The following MTA1 variants were observed in gnomAD, a reference collection of about 807,000 sequenced individuals.
The protein encoded by MTA1 is metastasis associated 1, also known as metastasis-associated protein MTA1.
In MTA1, 15 loss-of-function variants were observed where a neutral mutation model predicts 97.0. That is an observed-to-expected ratio of 0.15 (90% CI 0.10 to 0.24). MTA1 has a LOEUF of 0.24. Among genes scored for constraint, MTA1 ranks in the 10% least tolerant of loss-of-function variants. The probability of loss-of-function intolerance (pLI) is 1.00; values close to 1 mark genes in which losing one functional copy is unlikely to be tolerated. For missense variants in MTA1, 709 were observed against 1,015.1 expected (o/e 0.70, Z 4.10); for synonymous variants, 435 against 417.5 (o/e 1.04, Z -0.51).
chr14:105,437,322 C>A (rs1177967346), intron 1 of MTA1, among the ~76,000 whole-genome samples: 1 of 141,774 alleles, frequency 7.1e-6, no homozygotes, highest in Non-Finnish European at 1.5e-5. Flanking sequence ...CCTGCAGGTG[C>A]GTCCTCATGG....
intron 4 of MTA1, among the ~76,000 whole-genome samples, 185 bp downstream of exon 4, chr14:105,449,594 G>A (rs587728490): frequency 2.6e-5 from 4 of 152,330 alleles, no homozygotes; most frequent in East Asian, 1.9e-4. Context: ...GTGCGGCCCC[G>A]GCCTGAGGGT....
intron 3 of MTA1, 175 bp downstream of exon 3, chr14:105,445,686 T>C: frequency 1.4e-6 from 1 of 740,430 alleles, no homozygotes; most frequent in Non-Finnish European, 2.4e-6. Flanking sequence ...GTGTCCTGGC[T>C]CCGTTTCCTC....
rs1297795416 is a variant in MTA1, at chr14:105,465,146, G to A, written c.1587G>A (p.Ala529=). Residue 529 remains alanine, a synonymous_variant, in exon 16 of 21, where the codon GCG becomes GCA. Transcript: ENST00000331320. ...ASQSPLVLKQ[A]VRKPLEAVLR... is the part of the protein sequence containing the mutation. ...AGAGCCCGCTGGTGCTGAAGCAGGC[G>A]GTACGCAAGCCGCTGGAAGCCGTGC... The A allele has an allele frequency of 9.8e-6, 15 of 1,523,576 alleles. No homozygotes were observed. The highest frequency in any genetic ancestry group is 2.2e-4 in the Middle Eastern group (1 of 4,490). 94.4% of individuals were successfully genotyped at this position (1,523,576 alleles called of 1,614,324 possible).
Position 105,463,480 on chromosome 14 carries a change from C to T in MTA1, c.1018-13C>T. On this transcript the variant is annotated splice_polypyrimidine_tract_variant and intron_variant, in intron 11 of 20. Coordinates refer to ENST00000331320, the MANE Select transcript of MTA1 (RefSeq NM_004689.4). This position sits in a 1 kb window ranked among gnomAD's most constrained non-coding sequence, Gnocchi z 5.9. ...CTAGCCTGCTGACCTCTGACCTTCTCTTTTGTTTTAAGAAACGCTTGAAAG... is the reference window on the plus strand; with the variant it reads ...CTAGCCTGCTGACCTCTGACCTTCTTTTTTGTTTTAAGAAACGCTTGAAAG... The T allele has an allele frequency of 6.2e-7, 1 of 1,613,136 alleles. No individual in the cohort carries two copies. Among genetic ancestry groups the T allele is most frequent in the Non-Finnish European group, 8.5e-7 (1 of 1,179,918 alleles).
intron 19 of MTA1, 155 bp downstream of exon 19, chr14:105,469,653 C>T: frequency 8.2e-7 from 1 of 1,214,866 alleles, no homozygotes; most frequent in Non-Finnish European, 1.2e-6. Context: ...GGGCCATGGC[C>T]CCTGTGCCAG....
In MTA1 at chr14:105,465,174, C is replaced by T. The variant is rs1398533270; in HGVS notation, c.1615C>T (p.Arg539Trp). 3 of 1,519,746 alleles carry T rather than the reference C, an allele frequency of 2.0e-6. No homozygotes were observed. The highest frequency in any genetic ancestry group is 1.4e-5 in the African/African-American group (1 of 72,476). 94.1% of individuals were successfully genotyped at this position (1,519,746 alleles called of 1,614,324 possible). Reference sequence around the variant, plus strand: ...ACGCAAGCCGCTGGAAGCCGTGCTTCGGTATCTTGGTGAGCAGCCAGGCGT... The same window carrying T: ...ACGCAAGCCGCTGGAAGCCGTGCTTTGGTATCTTGGTGAGCAGCCAGGCGT... ...AVRKPLEAVL[R>W]YLETHPRPPK... is the part of the protein sequence containing the mutation. The change falls in exon 16 of 21, where the codon CGG becomes TGG. Residue 539 changes from arginine (R) to tryptophan (W), a missense_variant. By Grantham distance (101) the Arg-to-Trp change is moderately radical. Coordinates refer to ENST00000331320, the MANE Select transcript of MTA1 (RefSeq NM_004689.4).
rs587694299 is a variant in MTA1 at position 105,429,680 on chromosome 14, C to T, written c.29-8992C>T. Among the ~76,000 whole-genome samples, 340 of 150,792 alleles carry T rather than the reference C, an allele frequency of 2.3e-3. 2 individuals are homozygous for T. Among genetic ancestry groups the T allele is most frequent in the Admixed American group, 5.4e-3 (81 of 15,064 alleles). ...ATGTTAGCCAGGATGGCCTCAATCT[C>T]CTGACCTTGTGATCCACCTGCCTCA... is the stretch of plus-strand genomic sequence containing the variant. On this transcript the variant is annotated intron_variant, in intron 1 of 20. Coordinates refer to ENST00000331320, the MANE Select transcript of MTA1 (RefSeq NM_004689.4).
intron 18 of MTA1, chr14:105,467,258 G>A: frequency 2.7e-6 from 1 of 372,184 alleles, no homozygotes; most frequent in South Asian, 2.0e-5. Context: ...GGCCCCTTGG[G>A]GAAGAGCAGA....
At position 105,464,268 on chromosome 14, in the gene MTA1, G is replaced by A. The variant is rs2083475108; in HGVS notation, c.1192+121G>A. On this transcript the variant is annotated intron_variant, in intron 13 of 20. Coordinates refer to ENST00000331320, the MANE Select transcript of MTA1 (RefSeq NM_004689.4). The stretch of plus-strand genomic sequence containing the variant: ...AAGGGGCCCACTGACGATGGGGGCT[G>A]CGTCCCAGGGGTGTGGTTGGGAGAG... The A allele has an allele frequency of 6.3e-5, 88 of 1,407,856 alleles. 1 individual carries two copies. The South Asian group carries it at 1.0e-3, about 17-fold the overall frequency. The allele number at this position is 1,407,856 out of a possible 1,614,324, so 87.2% of individuals were successfully genotyped here.
chr14:105,441,161 C>G (rs1445307424), intron 2 of MTA1, among the ~76,000 whole-genome samples: 1 of 152,216 alleles, frequency 6.6e-6, no homozygotes, highest in African/African-American at 2.4e-5. Flanking sequence ...GAGCAGTGGA[C>G]TCAGAGGACC....
chr14:105,466,567 A>T lies in MTA1; in HGVS notation c.1766A>T (p.Asn589Ile). The T allele has an allele frequency of 6.3e-7, 1 of 1,576,154 alleles. No homozygotes were observed. The highest frequency in any genetic ancestry group is 1.2e-5 in the South Asian group (1 of 86,268). ...GGCAAGCGCAGCTACGAGCAGCACA[A>T]CGGGGTGGACGGTGAGTGGCCCCCC... The part of the protein sequence containing the change: ...ILGKRSYEQH[N>I]GVDGNMKKRL... Residue 589 changes from asparagine to isoleucine, a missense_variant, in exon 17 of 21, where the codon AAC (asparagine) becomes ATC (isoleucine). By Grantham distance (149) the Asn-to-Ile change is moderately radical. Transcript: ENST00000331320.
At chr14:105,469,645 GCCATGGC>G in intron 19 of MTA1, 147 bp downstream of exon 19, 1 of 1,212,430 alleles carries the variant, frequency 8.2e-7, no homozygotes, top group Non-Finnish European at 1.2e-6. Context: ...GCATGTGGGG[GCCATGGC>G]CCCTGTGCCA....
At chr14:105,441,848 G>C (rs587689787) in intron 2 of MTA1, among the ~76,000 whole-genome samples, 2 of 152,276 alleles carry the variant, frequency 1.3e-5, no homozygotes, top group East Asian at 3.9e-4. Flanking sequence ...GCAGGGAACA[G>C]AAGGAAACTA....
intron 15 of MTA1, 80 bp from the exon 16 acceptor site, chr14:105,465,014 G>A (rs1419329982): frequency 7.0e-7 from 1 of 1,432,406 alleles, no homozygotes; most frequent in South Asian, 1.4e-5. Flanking sequence ...GCCCAGTGAG[G>A]GCTCCCAGGT....
At chr14:105,440,643 CCCT>C (rs1444514654) in intron 2 of MTA1, among the ~76,000 whole-genome samples, 1 of 152,262 alleles carries the variant, frequency 6.6e-6, no homozygotes, top group African/African-American at 2.4e-5. Context: ...TCCTAGGACT[CCCT>C]CCTCCTCAGG....
At chr14:105,460,318 G>A (rs1555430694) in intron 8 of MTA1, 40 bp from the exon 9 acceptor site, 1 of 1,559,662 alleles carries the variant, frequency 6.4e-7, no homozygotes, top group Admixed American at 1.9e-5. Context: ...GGGAGTCCCT[G>A]CTTGGCCGAC....
intron 6 of MTA1, among the ~76,000 whole-genome samples, chr14:105,453,538 A>G (rs587648297): frequency 2.2e-4 from 34 of 152,234 alleles, no homozygotes; most frequent in Admixed American, 1.6e-3. Flanking sequence ...TGCTGGGCGC[A>G]GTGGCTGACG....
chr14:105,463,885 G>A lies in MTA1; in HGVS notation c.1077-147G>A. On this transcript the variant is annotated intron_variant, in intron 12 of 20. Coordinates refer to ENST00000331320, the MANE Select transcript of MTA1 (RefSeq NM_004689.4). The surrounding 1 kb of genome is among the most constrained non-coding windows in gnomAD (Gnocchi z 5.9). ...AGCAGTGGCTCCCAGGAACTGAAAG[G>A]GGAGAAAGGAAGATCCCTGCCGAGG... The A allele has an allele frequency of 1.3e-6, 1 of 774,952 alleles. No homozygotes were observed. The highest frequency in any genetic ancestry group is 1.5e-5 in the South Asian group (1 of 66,376). The allele number at this position is 774,952 out of a possible 1,614,324, so 48.0% of individuals were successfully genotyped here.
intron 7 of MTA1, among the ~76,000 whole-genome samples, chr14:105,456,354 C>T (rs1481190895): frequency 6.6e-6 from 1 of 152,220 alleles, no homozygotes; most frequent in Non-Finnish European, 1.5e-5. Context: ...CTTGAGGTGC[C>T]CCCATCTTAC....
Sources: gnomAD v4.1 joint callset for allele counts (sites outside exome capture counted in the v4.1 genomes callset) on GRCh38, gnomAD v4.1.1 for gene constraint, Gnocchi (gnomAD v3.1) non-coding constraint, MANE v1.5 for transcripts, NCBI Gene and HGNC (gene_info 2026-07-23, HGNC 2026-07-21) for gene names.